UBE3A: variants seen among roughly 807,000 people sequenced by gnomAD.
UBE3A encodes the protein ubiquitin-protein ligase E3A.
UBE3A carries 6 observed loss-of-function variants against 83.4 expected under a neutral mutation model. The observed-to-expected ratio is 0.07, with a 90% CI of 0.04 to 0.14. The LOEUF (loss-of-function observed/expected upper bound fraction) is 0.14, where lower values mean the gene tolerates loss of function less well. Among genes scored for constraint, UBE3A ranks in the 10% least tolerant of loss-of-function variants. UBE3A has a pLI of 1.00. For missense variants in UBE3A, 456 were observed against 1,036.1 expected (o/e 0.44, Z 7.69); for synonymous variants, 337 against 355.4 (o/e 0.95, Z 0.58).
At chr15:25,356,375 C>A (rs1023329971) in intron 8 of UBE3A, among the ~76,000 whole-genome samples, 1 of 152,082 alleles carries the variant, frequency 6.6e-6, no homozygotes, top group African/African-American at 2.4e-5. Flanking sequence ...TTGTAACTAC[C>A]AAGACCCTTA....
chr15:25,343,914 C>T (rs1566842453), intron 11 of UBE3A, among the ~76,000 whole-genome samples: 1 of 152,098 alleles, frequency 6.6e-6, no homozygotes, highest in African/African-American at 2.4e-5. Flanking sequence ...AGTAAAATAC[C>T]ATTTCTCAAT....
chr15:25,375,322 G>A (rs2152846157), intron 5 of UBE3A, 143 bp downstream of exon 5: 1 of 931,316 alleles, frequency 1.1e-6, no homozygotes, highest in South Asian at 1.7e-5. Flanking sequence ...TATTATTCCT[G>A]TCCGTTACCA....
chr15:25,377,968 G>A (rs1362747972), intron 4 of UBE3A, among the ~76,000 whole-genome samples: 2 of 149,700 alleles, frequency 1.3e-5, no homozygotes, highest in African/African-American at 4.9e-5. Flanking sequence ...TCTGGATGAT[G>A]TGATTAAGTG....
chr15:25,357,740 T>C (rs1046003628), intron 7 of UBE3A, among the ~76,000 whole-genome samples: 1 of 152,264 alleles, frequency 6.6e-6, no homozygotes, highest in East Asian at 1.9e-4. Context: ...CCTAATAAAA[T>C]CAGATGATCT....
At position 25,338,325 on chromosome 15, in the gene UBE3A, A is replaced by C. The variant is rs1171180435; in HGVS notation, c.*812T>G. 1 of 150,344 alleles carries C rather than the reference A, an allele frequency of 6.7e-6. No homozygotes were observed. The highest frequency in any genetic ancestry group is 1.5e-5 in the Non-Finnish European group (1 of 67,972). 9.3% of individuals were successfully genotyped at this position (150,344 alleles called of 1,614,324 possible). A position where few individuals can be genotyped will look rare whatever the true frequency, so the allele number is the denominator to read the frequency against. On this transcript the variant is annotated 3_prime_UTR_variant, in exon 13 of 13. Transcript: ENST00000648336. ...CCCCAGTAAACTTAAAACAACAACG[A>C]GAACAACAAGAACAAAAATCCCTGT...
intron 11 of UBE3A, among the ~76,000 whole-genome samples, chr15:25,349,906 T>A (rs1375659280): frequency 6.6e-6 from 1 of 152,150 alleles, no homozygotes; most frequent in African/African-American, 2.4e-5. Context: ...AAAGGGATAA[T>A]TCATGCCCTG....
chr15:25,401,301 G>T (rs945847143), intron 4 of UBE3A, among the ~76,000 whole-genome samples: 2 of 152,036 alleles, frequency 1.3e-5, no homozygotes, highest in South Asian at 4.2e-4. Flanking sequence ...TTGGTATCTA[G>T]GTAATGCTCA....
At chr15:25,416,016 A>C (rs1157301642) in intron 1 of UBE3A, among the ~76,000 whole-genome samples, 1 of 152,200 alleles carries the variant, frequency 6.6e-6, no homozygotes, top group Non-Finnish European at 1.5e-5. Context: ...AGAATAACCA[A>C]AACAATTGTT....
intron 4 of UBE3A, among the ~76,000 whole-genome samples, chr15:25,392,622 AAGAG>A (rs1262818805): frequency 2.0e-5 from 3 of 152,172 alleles, no homozygotes; most frequent in Admixed American, 6.5e-5. Flanking sequence ...TAGCAATAAA[AAGAG>A]AGGCAACTTA....
At chr15:25,339,478 G>T (rs1488967927) in intron 12 of UBE3A, 3 of 451,394 alleles carry the variant, frequency 6.6e-6, no homozygotes, top group African/African-American at 2.0e-5. Flanking sequence ...TGTATCCATT[G>T]AGTTTTTACT....
At chr15:25,406,977 G>A (rs2088764805) in intron 3 of UBE3A, 2 of 779,062 alleles carry the variant, frequency 2.6e-6, no homozygotes, top group African/African-American at 1.9e-5. Context: ...GGGCATGCTG[G>A]AGGTGGCAGT....
intron 4 of UBE3A, among the ~76,000 whole-genome samples, chr15:25,391,413 C>A: frequency 6.6e-6 from 1 of 152,186 alleles, no homozygotes; most frequent in East Asian, 1.9e-4. Flanking sequence ...TTCTAGAGAT[C>A]TGCTGCACAA....
chr15:25,414,409 T>C (rs1045202675), intron 1 of UBE3A, among the ~76,000 whole-genome samples: 1 of 152,164 alleles, frequency 6.6e-6, no homozygotes, highest in African/African-American at 2.4e-5. Flanking sequence ...CTTGCCCTCA[T>C]GTGGTGAAGG....
chr15:25,403,383 T>C (rs2087649272), intron 4 of UBE3A, among the ~76,000 whole-genome samples: 1 of 152,160 alleles, frequency 6.6e-6, no homozygotes, highest in African/African-American at 2.4e-5. Context: ...TCGTGGTCAC[T>C]AACCTACAGT....
chr15:25,382,756 T>C (rs1025658943), intron 4 of UBE3A, among the ~76,000 whole-genome samples: 1 of 151,942 alleles, frequency 6.6e-6, no homozygotes, highest in Non-Finnish European at 1.5e-5. Flanking sequence ...AACTGGAAAT[T>C]AGAAAGGCGA....
chr15:25,423,044 G>A (rs1299890453), intron 1 of UBE3A, among the ~76,000 whole-genome samples: 2 of 151,878 alleles, frequency 1.3e-5, no homozygotes, highest in Non-Finnish European at 2.9e-5. Context: ...TTGTTAGCAT[G>A]CTGAAACCCA....
In UBE3A at chr15:25,438,535, G is replaced by C. The variant is rs1049737155; in HGVS notation, c.-211C>G. 6.5e-6 allele frequency: 1 copy of C among 153,374 alleles called. No homozygotes were observed. The highest frequency in any genetic ancestry group is 6.5e-5 in the Admixed American group (1 of 15,290). The allele number at this position is 153,374 out of a possible 1,614,324, so 9.5% of individuals were successfully genotyped here. A position where few individuals can be genotyped will look rare whatever the true frequency, so the allele number is the denominator to read the frequency against. On this transcript the variant is annotated 5_prime_UTR_variant, in exon 1 of 13. Coordinates refer to ENST00000648336, the MANE Select transcript of UBE3A (RefSeq NM_130839.5). ...GGCTGCGGCGGCCGCCTCACTGGTC[G>C]TAGTCGCCCTCGCCCGCCGCCTCCG... is the stretch of plus-strand genomic sequence containing the variant.
At chr15:25,403,669 T>TATCTGTAATAGCTACAAC (rs745348226) in intron 4 of UBE3A, among the ~76,000 whole-genome samples, 41 of 152,224 alleles carry the variant, frequency 2.7e-4, no homozygotes, top group Non-Finnish European at 5.3e-4. Flanking sequence ...ATAGCAACAT[T>TATCTGTAATAGCTACAAC]ATCTGTAATA....
At chr15:25,362,499 G>C (rs1309998653) in intron 6 of UBE3A, among the ~76,000 whole-genome samples, 1 of 152,142 alleles carries the variant, frequency 6.6e-6, no homozygotes, top group East Asian at 1.9e-4. Context: ...GGCTTATTAA[G>C]AATATATGAG....
Sources: gnomAD v4.1 joint callset for allele counts (sites outside exome capture counted in the v4.1 genomes callset) on GRCh38, gnomAD v4.1.1 for gene constraint, MANE v1.5 for transcripts, NCBI Gene and HGNC (gene_info 2026-07-23, HGNC 2026-07-21) for gene names.